HAPLN1: variants seen among roughly 807,000 people sequenced by gnomAD.
The protein encoded by HAPLN1 is hyaluronan and proteoglycan link protein 1, also known as Cartilage link protein.
Under a neutral mutation model 36.5 loss-of-function variants are expected in HAPLN1, and 13 were observed. That is an observed-to-expected ratio of 0.36 (90% CI 0.23 to 0.57). The LOEUF is 0.57. HAPLN1 is among the 20% of genes least tolerant of loss of function. The pLI is 0.83. For synonymous variants in HAPLN1, 202 were observed against 169.8 expected, an observed-to-expected ratio of 1.19 and a Z score of -1.48; for missense variants, 407 against 439.7, an observed-to-expected ratio of 0.93 and a Z score of 0.66.
In HAPLN1 at chr5:83,637,912, C is replaced by A. The variant is rs1561294826; in HGVS notation, c.*3584G>T. 6.6e-6 allele frequency: 1 copy of A among 151,866 alleles called. No homozygotes were observed. Among genetic ancestry groups the A allele is most frequent in the East Asian group, 1.9e-4 (1 of 5,176 alleles). 9.4% of individuals were successfully genotyped at this position (151,866 alleles called of 1,614,324 possible). A position where few individuals can be genotyped will look rare whatever the true frequency, so the allele number is the denominator to read the frequency against. On this transcript the variant is annotated 3_prime_UTR_variant, in exon 5 of 5. Coordinates refer to ENST00000274341, the MANE Select transcript of HAPLN1 (RefSeq NM_001884.4). ...ACAATAGATTTCTGGGATTGCTGAA[C>A]TGGTGGGCAAAATTAATTATGCTTT...
intron 1 of HAPLN1, among the ~76,000 whole-genome samples, chr5:83,707,010 C>T (rs1212300646): frequency 5.9e-5 from 9 of 152,122 alleles, no homozygotes; most frequent in East Asian, 1.9e-4. Context: ...CCTAGGAATA[C>T]GGCTAACCAG....
chr5:83,643,039 G>A lies in HAPLN1; in HGVS notation c.776-1254C>T, dbSNP rs148387387. Among the ~76,000 whole-genome samples, 18 of 152,052 alleles carry A rather than the reference G, an allele frequency of 1.2e-4. No homozygotes were observed. In the East Asian group the frequency reaches 2.9e-3, roughly 24 times the overall value. On this transcript the variant is annotated intron_variant, in intron 4 of 4. Transcript: ENST00000274341. Reference sequence around the variant, plus strand: ...ATATGGCCCTTTACAGAAAAAGATTGTCGGCCAGGCACAGCGGCTCACGTC... The same window carrying A: ...ATATGGCCCTTTACAGAAAAAGATTATCGGCCAGGCACAGCGGCTCACGTC...
At chr5:83,687,095 A>C (rs1751144891) in intron 1 of HAPLN1, among the ~76,000 whole-genome samples, 1 of 152,224 alleles carries the variant, frequency 6.6e-6, no homozygotes, top group South Asian at 2.1e-4. Flanking sequence ...TATAAGGAAG[A>C]GCAAGTGGTA....
intron 1 of HAPLN1, among the ~76,000 whole-genome samples, chr5:83,694,111 A>G (rs1235182558): frequency 6.6e-6 from 1 of 152,034 alleles, no homozygotes; most frequent in East Asian, 1.9e-4. Flanking sequence ...CCCTAAGTAT[A>G]GAATTAAGGT....
chr5:83,673,599 G>C, intron 1 of HAPLN1, 50 bp from the exon 2 acceptor site: 4 of 1,063,756 alleles, frequency 3.8e-6, no homozygotes, highest in Non-Finnish European at 5.8e-6. Flanking sequence ...GAACCCTTTG[G>C]AGTGTTGCAC....
chr5:83,660,053 C>A (rs1271122680), intron 2 of HAPLN1, among the ~76,000 whole-genome samples: 1 of 152,020 alleles, frequency 6.6e-6, no homozygotes, highest in Non-Finnish European at 1.5e-5. Flanking sequence ...TCATGCTCTG[C>A]TCTTTGCTAT....
intron 3 of HAPLN1, among the ~76,000 whole-genome samples, chr5:83,647,122 A>G (rs1395118707): frequency 6.6e-6 from 1 of 152,230 alleles, no homozygotes; most frequent in Admixed American, 6.5e-5. Context: ...GTTTTTCTCT[A>G]GTAATTTGTC....
At chr5:83,671,324 A>G (rs1214946842) in intron 2 of HAPLN1, among the ~76,000 whole-genome samples, 1 of 152,228 alleles carries the variant, frequency 6.6e-6, no homozygotes, top group Non-Finnish European at 1.5e-5. Context: ...CACTAACAGA[A>G]GCTCATACTG....
intron 1 of HAPLN1, among the ~76,000 whole-genome samples, chr5:83,680,400 G>A: frequency 6.6e-6 from 1 of 152,094 alleles, no homozygotes; most frequent in Non-Finnish European, 1.5e-5. Context: ...AATAAATGCA[G>A]GGACCACATA....
intron 1 of HAPLN1, among the ~76,000 whole-genome samples, chr5:83,714,821 G>C (rs1384006344): frequency 1.3e-5 from 2 of 152,230 alleles, no homozygotes; most frequent in South Asian, 2.1e-4. Context: ...CTGTCCAGGG[G>C]CCACAGTTGA....
At chr5:83,689,642 A>G (rs1190710093) in intron 1 of HAPLN1, among the ~76,000 whole-genome samples, 1 of 152,126 alleles carries the variant, frequency 6.6e-6, no homozygotes, top group Non-Finnish European at 1.5e-5. Flanking sequence ...AGTGAAATCA[A>G]ATGTGCAGAA....
At chr5:83,706,375 A>C (rs1751651887) in intron 1 of HAPLN1, among the ~76,000 whole-genome samples, 1 of 152,202 alleles carries the variant, frequency 6.6e-6, no homozygotes, top group Admixed American at 6.5e-5. Context: ...TGAAGAGCTA[A>C]TCCATCATGT....
At chr5:83,668,270 G>C (rs1008163245) in intron 2 of HAPLN1, among the ~76,000 whole-genome samples, 1 of 152,132 alleles carries the variant, frequency 6.6e-6, no homozygotes, top group African/African-American at 2.4e-5. Flanking sequence ...AAGAAAAGAA[G>C]GGTGAGAGAG....
intron 2 of HAPLN1, among the ~76,000 whole-genome samples, chr5:83,667,440 A>G (rs1221887063): frequency 6.6e-6 from 1 of 152,096 alleles, no homozygotes; most frequent in Non-Finnish European, 1.5e-5. Flanking sequence ...TATAGCTATT[A>G]GTTTTTAGAC....
chr5:83,659,043 GTA>G (rs1750306131), intron 2 of HAPLN1, among the ~76,000 whole-genome samples: 1 of 152,152 alleles, frequency 6.6e-6, no homozygotes, highest in Non-Finnish European at 1.5e-5. Flanking sequence ...GGAGGCAGAG[GTA>G]GGTGGATCAC....
chr5:83,693,331 G>A (rs1016641177), intron 1 of HAPLN1, among the ~76,000 whole-genome samples: 2 of 151,704 alleles, frequency 1.3e-5, no homozygotes, highest in Admixed American at 6.6e-5. Context: ...TGTAAACAAA[G>A]ACTCATAACT....
chr5:83,675,004 A>T (rs989854733), intron 1 of HAPLN1, among the ~76,000 whole-genome samples: 3 of 152,220 alleles, frequency 2.0e-5, no homozygotes, highest in Non-Finnish European at 4.4e-5. Context: ...TTTGTCAAGG[A>T]AACCAAGAAT....
intron 2 of HAPLN1, among the ~76,000 whole-genome samples, chr5:83,663,668 T>C (rs935905221): frequency 1.3e-5 from 2 of 152,146 alleles, no homozygotes; most frequent in Non-Finnish European, 2.9e-5. Context: ...TCCCAGTCTT[T>C]CTCAATTTAG....
intron 3 of HAPLN1, among the ~76,000 whole-genome samples, chr5:83,651,419 AAACTT>A (rs1206768369): frequency 1.3e-5 from 2 of 152,216 alleles, no homozygotes; most frequent in Non-Finnish European, 2.9e-5. Context: ...GAATCAATAA[AAACTT>A]AAAGCAAAAG....
Sources: gnomAD v4.1 joint callset for allele counts (sites outside exome capture counted in the v4.1 genomes callset) on GRCh38, gnomAD v4.1.1 for gene constraint, MANE v1.5 for transcripts, NCBI Gene and HGNC (gene_info 2026-07-23, HGNC 2026-07-21) for gene names.